Variants in MALRD1 observed in about 807,000 individuals in gnomAD.
MALRD1 encodes MAM and LDL-receptor class A domain-containing protein 1.
A neutral mutation model predicts 242.1 loss-of-function variants in MALRD1; 247 were observed. The observed-to-expected ratio is 1.02, with a 90% CI of 0.92 to 1.13. The LOEUF (loss-of-function observed/expected upper bound fraction) is 1.13. Ranked by LOEUF, MALRD1 falls within the 50% of genes most tolerant of loss-of-function variation. MALRD1 has a pLI of 0.00. For synonymous variants in MALRD1, 995 were observed against 866.6 expected (o/e 1.15, Z -2.60); for missense variants, 2,989 against 2,533.1 (o/e 1.18, Z -3.86).
chr10:19,453,589 A>AT (rs1589103715), intron 29 of MALRD1, among the ~76,000 whole-genome samples: 1 of 152,158 alleles, frequency 6.6e-6, no homozygotes, highest in African/African-American at 2.4e-5. Context: ...CTCTATAAAA[A>AT]TTTTAGGCCG....
rs766794110 is a variant in MALRD1, at chr10:19,352,073, C to A, written c.4217C>A (p.Thr1406Lys). Residue 1406 changes from threonine to lysine, a missense_variant, in exon 26 of 40, where the codon ACA becomes AAA. Coordinates refer to ENST00000454679, the MANE Select transcript of MALRD1 (RefSeq NM_001142308.3). ...CTCACCTTAATGCAGGTGTCAGTCA[C>A]AAACCAAACGAAGGTTCTACTTAAC... ...GALTLMQVSV[T>K]NQTKVLLNLT... is the part of the protein sequence containing the mutation. 1.6e-5 allele frequency: 25 copies of A among 1,550,328 alleles called. No homozygotes were observed. The South Asian group carries it at 3.0e-4, about 18-fold the overall frequency.
intron 18 of MALRD1, among the ~76,000 whole-genome samples, chr10:19,229,302 A>G (rs910036507): frequency 3.9e-5 from 6 of 152,010 alleles, no homozygotes; most frequent in Non-Finnish European, 8.8e-5. Flanking sequence ...TTTTTCCTGA[A>G]ATGTTTTGAG....
intron 11 of MALRD1, among the ~76,000 whole-genome samples, chr10:19,147,796 A>C (rs1245418027): frequency 3.9e-5 from 6 of 152,204 alleles, no homozygotes; most frequent in African/African-American, 1.2e-4. Context: ...TGAGCAGTGA[A>C]GGGAAATGAA....
At chr10:19,507,272 G>C (rs1256271191) in intron 31 of MALRD1, among the ~76,000 whole-genome samples, 1 of 152,050 alleles carries the variant, frequency 6.6e-6, no homozygotes, top group Non-Finnish European at 1.5e-5. Flanking sequence ...ATATCACCAT[G>C]GGTTGAAATG....
At chr10:19,664,624 A>G (rs188816106) in intron 36 of MALRD1, among the ~76,000 whole-genome samples, 2 of 152,152 alleles carry the variant, frequency 1.3e-5, no homozygotes, top group East Asian at 3.9e-4. Context: ...AAGGAAGGAA[A>G]AAGATGTAAC....
chr10:19,318,707 G>A (rs984338696), intron 21 of MALRD1, among the ~76,000 whole-genome samples: 10 of 151,788 alleles, frequency 6.6e-5, no homozygotes, highest in African/African-American at 2.4e-4. Flanking sequence ...GCCTGAAACA[G>A]TGATCAACTT....
intron 33 of MALRD1, among the ~76,000 whole-genome samples, chr10:19,583,560 C>T (rs929374536): frequency 6.6e-6 from 1 of 151,692 alleles, no homozygotes; most frequent in African/African-American, 2.4e-5. Flanking sequence ...AGCCTTGCAT[C>T]CCAGGGATGA....
At chr10:19,291,810 G>A (rs958991808) in intron 21 of MALRD1, among the ~76,000 whole-genome samples, 1 of 149,480 alleles carries the variant, frequency 6.7e-6, no homozygotes, top group Non-Finnish European at 1.5e-5. Context: ...TGTGGGCCAG[G>A]TGCAGTGCTT....
chr10:19,415,688 C>G (rs1833489852), intron 28 of MALRD1, among the ~76,000 whole-genome samples: 1 of 152,094 alleles, frequency 6.6e-6, no homozygotes, highest in African/African-American at 2.4e-5. Context: ...TTTCTATAGA[C>G]TTCTAAAAGA....
chr10:19,492,800 A>C (rs577959945), intron 30 of MALRD1, among the ~76,000 whole-genome samples: 1 of 152,148 alleles, frequency 6.6e-6, no homozygotes, highest in African/African-American at 2.4e-5. Context: ...TAGACTTTCA[A>C]TGGGAAAATA....
At chr10:19,328,241 A>C (rs117438771) in intron 23 of MALRD1, among the ~76,000 whole-genome samples, 3 of 152,140 alleles carry the variant, frequency 2.0e-5, no homozygotes, top group African/African-American at 7.2e-5. Context: ...GGAAATAAGC[A>C]TGTGCTGAAA....
At chr10:19,096,216 A>G (rs1020323550) in intron 4 of MALRD1, among the ~76,000 whole-genome samples, 1 of 152,156 alleles carries the variant, frequency 6.6e-6, no homozygotes, top group Non-Finnish European at 1.5e-5. Context: ...TTCTCAAGTG[A>G]TACATCCTGA....
At chr10:19,071,740 T>C (rs1835154667) in intron 2 of MALRD1, among the ~76,000 whole-genome samples, 1 of 152,016 alleles carries the variant, frequency 6.6e-6, no homozygotes, top group African/African-American at 2.4e-5. Context: ...ACAGGGTGAG[T>C]TGGGTTCTTT....
At chr10:19,066,604 T>A (rs1439530905) in intron 1 of MALRD1, 115 bp from the exon 2 acceptor site, 5 of 784,904 alleles carry the variant, frequency 6.4e-6, no homozygotes, top group Non-Finnish European at 6.9e-6. Flanking sequence ...TTATAAGGAA[T>A]AATCTTTATG....
At chr10:19,050,852 G>A (rs1424740217) in intron 1 of MALRD1, among the ~76,000 whole-genome samples, 2 of 152,178 alleles carry the variant, frequency 1.3e-5, no homozygotes, top group Non-Finnish European at 2.9e-5. Flanking sequence ...TACCCTGGCT[G>A]TGATAACGTG....
At chr10:19,500,040 T>A (rs1039078418) in intron 31 of MALRD1, among the ~76,000 whole-genome samples, 4 of 152,068 alleles carry the variant, frequency 2.6e-5, no homozygotes, top group Non-Finnish European at 5.9e-5. Flanking sequence ...TTTTTGTGTC[T>A]GTGTTTATCA....
At chr10:19,249,021 T>C (rs907885594) in intron 18 of MALRD1, among the ~76,000 whole-genome samples, 5 of 147,524 alleles carry the variant, frequency 3.4e-5, no homozygotes, top group Non-Finnish European at 4.5e-5. Context: ...ATATGATATA[T>C]AATATAAATT....
chr10:19,733,786 C>T (rs1047476796), intron 39 of MALRD1, among the ~76,000 whole-genome samples: 1 of 151,156 alleles, frequency 6.6e-6, no homozygotes, highest in Admixed American at 6.6e-5. Context: ...ATATAAAATG[C>T]TTTTATTTAC....
At chr10:19,511,109 A>G (rs1456346663) in intron 31 of MALRD1, among the ~76,000 whole-genome samples, 4 of 152,346 alleles carry the variant, frequency 2.6e-5, no homozygotes, top group Admixed American at 2.6e-4. Flanking sequence ...TAACTTTATT[A>G]TATTTATGCC....
Sources: gnomAD v4.1 joint callset for allele counts (sites outside exome capture counted in the v4.1 genomes callset) on GRCh38, gnomAD v4.1.1 for gene constraint, MANE v1.5 for transcripts, NCBI Gene and HGNC (gene_info 2026-07-23, HGNC 2026-07-21) for gene names.